The following SLC22A25 variants were observed in gnomAD, a reference collection of about 807,000 sequenced individuals.
SLC22A25 encodes MGI:2442751, MGI:2385316, MGI:3042283, MGI:3645714, MGI:3605624, MGI:2442750.
SLC22A25 carries 44 observed loss-of-function variants against 45.9 expected under a neutral mutation model. That is an observed-to-expected ratio of 0.96 (90% confidence interval 0.75 to 1.23). SLC22A25 has a LOEUF of 1.23. SLC22A25 is among the 50% of genes most tolerant of loss of function. The pLI is 0.00. For missense variants in SLC22A25, 800 were observed against 666.4 expected (o/e 1.20, Z -2.21); for synonymous variants, 283 against 238.6 (o/e 1.19, Z -1.72).
chr11:63,213,534 C>T (rs774608614), intron 7 of SLC22A25, among the ~76,000 whole-genome samples: 7 of 152,186 alleles, frequency 4.6e-5, no homozygotes, highest in Non-Finnish European at 1.0e-4. Context: ...GTTAATAGTT[C>T]GGGTGCCACA....
rs149135733 is a variant in SLC22A25, at chr11:63,181,730, A to G, written c.955-955T>C. Among the ~76,000 whole-genome samples, 12 of 152,210 alleles carry G rather than the reference A, an allele frequency of 7.9e-5. No homozygotes were observed. The East Asian group carries it at 2.3e-3, about 29-fold the overall frequency. On this transcript the variant is annotated intron_variant, in intron 8 of 11. Coordinates refer to ENST00000306494, the MANE Select transcript of SLC22A25 (RefSeq NM_199352.6). ...TGCATTCAAGTCTGCTTTCTGGGCCACATCCTATATTTATCAGGTTAGGCT... is the reference window on the plus strand; with the variant it reads ...TGCATTCAAGTCTGCTTTCTGGGCCGCATCCTATATTTATCAGGTTAGGCT...
intron 3 of SLC22A25, among the ~76,000 whole-genome samples, chr11:63,233,001 A>G (rs1371798961): frequency 6.6e-6 from 1 of 152,084 alleles, no homozygotes; most frequent in Non-Finnish European, 1.5e-5. Context: ...ATCATGGTGG[A>G]TAAGCTTTTT....
intron 9 of SLC22A25, among the ~76,000 whole-genome samples, chr11:63,171,807 T>C (rs1287797889): frequency 6.6e-6 from 1 of 152,180 alleles, no homozygotes; most frequent in Non-Finnish European, 1.5e-5. Flanking sequence ...AAAAAACTAC[T>C]TTAAATTTCA....
At chr11:63,222,914 T>A (rs1259849210) in intron 5 of SLC22A25, among the ~76,000 whole-genome samples, 1 of 152,058 alleles carries the variant, frequency 6.6e-6, no homozygotes, top group Non-Finnish European at 1.5e-5. Flanking sequence ...TCTATTGATA[T>A]AATGTATCAC....
At chr11:63,196,168 A>G (rs1252890556) in intron 7 of SLC22A25, among the ~76,000 whole-genome samples, 3 of 152,184 alleles carry the variant, frequency 2.0e-5, no homozygotes, top group Non-Finnish European at 4.4e-5. Context: ...GAATTCTACC[A>G]GAGGTACAAA....
intron 5 of SLC22A25, 44 bp downstream of exon 5, chr11:63,228,417 G>A (rs760355164): frequency 3.6e-6 from 5 of 1,386,326 alleles, no homozygotes; most frequent in Non-Finnish European, 5.0e-6. Context: ...TTCATGAATT[G>A]ATGAAAATAC....
In SLC22A25 at chr11:63,217,304, A is replaced by G; in HGVS notation, c.830+10T>C. The stretch of plus-strand genomic sequence containing the variant: ...TGTCATATGGCAAAAGAAGAATGCA[A>G]GCTCAATACCTTGAGAACAGAAAGA... On this transcript the variant is annotated intron_variant, in intron 7 of 11. Transcript: ENST00000306494. The G allele has an allele frequency of 1.2e-6, 2 of 1,609,918 alleles. No individual in the cohort carries two copies. Among genetic ancestry groups the G allele is most frequent in the Non-Finnish European group, 8.5e-7 (1 of 1,178,062 alleles).
In SLC22A25 at chr11:63,161,334, A is replaced by G. The variant is rs140090468; in HGVS notation, c.*2490T>C. On this transcript the variant is annotated 3_prime_UTR_variant, in exon 12 of 12. Transcript: ENST00000306494. ...CTGTAGACTTTTGAGTTAATGCTGA[A>G]ATGAGTTAAAACTTTGGGGGACTGT... Among the ~76,000 whole-genome samples the G allele has an allele frequency of 3.6e-3, 546 of 152,282 alleles. 3 individuals are homozygous for G. Among genetic ancestry groups the G allele is most frequent in the African/African-American group, 0.012 (490 of 41,552 alleles).
At chr11:63,188,284 G>A (rs2088645939) in intron 7 of SLC22A25, among the ~76,000 whole-genome samples, 1 of 152,198 alleles carries the variant, frequency 6.6e-6, no homozygotes, top group Non-Finnish European at 1.5e-5. Flanking sequence ...GAGGGTGGAT[G>A]TGTCCAGGAA....
intron 7 of SLC22A25, among the ~76,000 whole-genome samples, chr11:63,193,123 T>C (rs2088874435): frequency 6.6e-6 from 1 of 152,084 alleles, no homozygotes; most frequent in Non-Finnish European, 1.5e-5. Context: ...ACTGAAATCA[T>C]AAAAACAGTC....
intron 1 of SLC22A25, among the ~76,000 whole-genome samples, chr11:63,240,036 T>C (rs560549265): frequency 4.2e-4 from 64 of 152,324 alleles, no homozygotes; most frequent in African/African-American, 1.5e-3. Flanking sequence ...CTATATGGTG[T>C]AGTCTAATGC....
intron 7 of SLC22A25, among the ~76,000 whole-genome samples, chr11:63,194,711 C>A (rs1462968061): frequency 2.0e-5 from 3 of 151,482 alleles, no homozygotes; most frequent in South Asian, 4.2e-4. Flanking sequence ...TCACACATAA[C>A]AATATTAGCT....
chr11:63,195,084 G>A (rs1383673164), intron 7 of SLC22A25, among the ~76,000 whole-genome samples: 6 of 151,886 alleles, frequency 4.0e-5, no homozygotes, highest in South Asian at 2.1e-4. Context: ...CCCAATACAA[G>A]AGCACCCAGA....
In SLC22A25 at chr11:63,217,326, A is replaced by G; in HGVS notation, c.818T>C (p.Phe273Ser). Residue 273 changes from phenylalanine to serine, a missense_variant, in exon 7 of 12, where the codon TTT (phenylalanine) becomes TCT (serine). Physicochemically the swap from Phe to Ser is radical, Grantham distance 155. Coordinates refer to ENST00000306494, the MANE Select transcript of SLC22A25 (RefSeq NM_199352.6). ...LVMSAPCFVF[F>S]LFSRWLAESA... The stretch of plus-strand genomic sequence containing the variant: ...GCAAGCTCAATACCTTGAGAACAGA[A>G]AGAAGACAAAGCATGGTGCAGACAT... 1 of 1,613,602 alleles carries G rather than the reference A, an allele frequency of 6.2e-7. No individual in the cohort carries two copies. The highest frequency in any genetic ancestry group is 8.5e-7 in the Non-Finnish European group (1 of 1,179,898).
intron 8 of SLC22A25, among the ~76,000 whole-genome samples, chr11:63,182,428 A>G (rs1223913859): frequency 6.6e-6 from 1 of 151,800 alleles, no homozygotes; most frequent in Non-Finnish European, 1.5e-5. Flanking sequence ...GTGTGTATGA[A>G]ACCACAGATA....
At chr11:63,199,168 A>G (rs2089158793) in intron 7 of SLC22A25, among the ~76,000 whole-genome samples, 1 of 152,068 alleles carries the variant, frequency 6.6e-6, no homozygotes, top group South Asian at 2.1e-4. Context: ...AGACTAATAA[A>G]GAAGAAAAGA....
chr11:63,204,794 C>G (rs1452275796), intron 7 of SLC22A25, among the ~76,000 whole-genome samples: 1 of 152,320 alleles, frequency 6.6e-6, no homozygotes, highest in East Asian at 1.9e-4. Context: ...TTGAACTCAG[C>G]TCTGCACCAA....
chr11:63,212,466 A>T (rs994266330), intron 7 of SLC22A25, among the ~76,000 whole-genome samples: 12 of 152,148 alleles, frequency 7.9e-5, no homozygotes, highest in African/African-American at 1.2e-4. Context: ...GCACATACAC[A>T]CCATGGAATA....
chr11:63,230,645 A>T (rs2090049902), intron 3 of SLC22A25, among the ~76,000 whole-genome samples: 2 of 152,096 alleles, frequency 1.3e-5, no homozygotes. Context: ...TTTTAAAAAA[A>T]ATTTATTTAT....
Sources: gnomAD v4.1 joint callset for allele counts (sites outside exome capture counted in the v4.1 genomes callset) on GRCh38, gnomAD v4.1.1 for gene constraint, MANE v1.5 for transcripts, NCBI Gene and HGNC (gene_info 2026-07-23, HGNC 2026-07-21) for gene names.